Variants in CPA6 observed in about 807,000 individuals in gnomAD.
CPA6 encodes carboxypeptidase B.
A neutral mutation model predicts 63.3 loss-of-function variants in CPA6; 58 were observed. That is an observed-to-expected ratio of 0.92 (90% confidence interval 0.74 to 1.14). CPA6 has a LOEUF of 1.14. CPA6 is among the 50% of genes most tolerant of loss of function. The pLI, the probability that CPA6 is intolerant of heterozygous loss-of-function variation, is 0.00. For synonymous variants in CPA6, 185 were observed against 179.0 expected (o/e 1.03, Z -0.27); for missense variants, 565 against 526.6 (o/e 1.07, Z -0.71).
At chr8:67,729,563 A>C (rs973028369) in intron 1 of CPA6, among the ~76,000 whole-genome samples, 2 of 152,196 alleles carry the variant, frequency 1.3e-5, no homozygotes, top group Non-Finnish European at 2.9e-5. Context: ...AGAATAAACA[A>C]TTAAACAATT....
intron 2 of CPA6, among the ~76,000 whole-genome samples, chr8:67,563,228 G>A (rs557758873): frequency 6.6e-6 from 1 of 152,210 alleles, no homozygotes; most frequent in South Asian, 2.1e-4. Flanking sequence ...CTAAAACAGA[G>A]AGTAACTGTT....
intron 1 of CPA6, among the ~76,000 whole-genome samples, chr8:67,712,019 C>G (rs1817274443): frequency 6.6e-6 from 1 of 152,134 alleles, no homozygotes; most frequent in Non-Finnish European, 1.5e-5. Flanking sequence ...CTGCCCCCTC[C>G]CGCTATCTCC....
chr8:67,482,267 A>G (rs949342269), intron 8 of CPA6, among the ~76,000 whole-genome samples: 1 of 152,220 alleles, frequency 6.6e-6, no homozygotes, highest in African/African-American at 2.4e-5. Context: ...AGGCATGTAT[A>G]TGACATATAT....
At chr8:67,522,185 C>G (rs1418026081) in intron 2 of CPA6, among the ~76,000 whole-genome samples, 1 of 152,024 alleles carries the variant, frequency 6.6e-6, no homozygotes, top group Non-Finnish European at 1.5e-5. Flanking sequence ...TCAGGCCCGC[C>G]CATGGACCAA....
At chr8:67,665,833 G>A (rs770038867) in intron 1 of CPA6, among the ~76,000 whole-genome samples, 4 of 152,176 alleles carry the variant, frequency 2.6e-5, no homozygotes, top group Non-Finnish European at 4.4e-5. Context: ...CTCTCTAGTC[G>A]GTAGTTTCCT....
chr8:67,675,349 C>A (rs1587692283), intron 1 of CPA6, among the ~76,000 whole-genome samples: 1 of 152,152 alleles, frequency 6.6e-6, no homozygotes, highest in East Asian at 1.9e-4. Flanking sequence ...CGAGGGGCTG[C>A]CTGCCTGTAA....
At position 67,496,131 on chromosome 8, in the gene CPA6, G is replaced by C. The variant is rs144516599; in HGVS notation, c.636+10656C>G. On this transcript the variant is annotated intron_variant, in intron 6 of 10. Coordinates refer to ENST00000297770, the MANE Select transcript of CPA6 (RefSeq NM_020361.5). ...CTTCCCCAAACCTTGTCTTTTTAAAGTCTTAATGGATTTTTCTAATTCCTT... is the reference window on the plus strand; with the variant it reads ...CTTCCCCAAACCTTGTCTTTTTAAACTCTTAATGGATTTTTCTAATTCCTT... Among the ~76,000 whole-genome samples, 693 of 152,160 alleles carry C rather than the reference G, an allele frequency of 4.6e-3. 5 individuals carry two copies. The highest frequency in any genetic ancestry group is 0.026 in the South Asian group (124 of 4,822).
chr8:67,724,277 G>A (rs1817556408), intron 1 of CPA6, among the ~76,000 whole-genome samples: 1 of 152,102 alleles, frequency 6.6e-6, no homozygotes, highest in Non-Finnish European at 1.5e-5. Context: ...GGGCCTCTTG[G>A]CACCAGGGTC....
intron 2 of CPA6, among the ~76,000 whole-genome samples, chr8:67,558,860 G>C (rs1179731435): frequency 1.3e-5 from 2 of 152,144 alleles, no homozygotes; most frequent in African/African-American, 4.8e-5. Flanking sequence ...AATAAGCCCT[G>C]AGTACTAGCT....
Position 67,621,187 on chromosome 8 carries a change from G to C in CPA6, c.192+2989C>G, listed in dbSNP as rs377378554. 4.7e-4 allele frequency among the ~76,000 whole-genome samples: 72 copies of C among 152,274 alleles called. 1 individual carries two copies. The South Asian group carries it at 0.014, about 29-fold the overall frequency. Reference sequence around the variant, plus strand: ...GTGACTCTATTGGGAGAGGCCTCTTGGAAGCTTGTGCCTCATTTCCCCTGG... The same window carrying C: ...GTGACTCTATTGGGAGAGGCCTCTTCGAAGCTTGTGCCTCATTTCCCCTGG... On this transcript the variant is annotated intron_variant, in intron 2 of 10. Coordinates refer to ENST00000297770, the MANE Select transcript of CPA6 (RefSeq NM_020361.5).
intron 2 of CPA6, among the ~76,000 whole-genome samples, chr8:67,608,416 G>A (rs1304094839): frequency 6.6e-6 from 1 of 152,120 alleles, no homozygotes; most frequent in African/African-American, 2.4e-5. Flanking sequence ...GGTCATAGAG[G>A]AGATTGGCCA....
At chr8:67,729,827 A>G (rs1817672941) in intron 1 of CPA6, among the ~76,000 whole-genome samples, 1 of 152,222 alleles carries the variant, frequency 6.6e-6, no homozygotes, top group Non-Finnish European at 1.5e-5. Flanking sequence ...TGCCCAAGCA[A>G]AACAGCTGTG....
intron 1 of CPA6, among the ~76,000 whole-genome samples, chr8:67,697,710 C>T (rs938663352): frequency 6.6e-6 from 1 of 152,012 alleles, no homozygotes; most frequent in Admixed American, 6.6e-5. Flanking sequence ...CAGGTACTCT[C>T]GCAAGCATTA....
chr8:67,558,378 G>A (rs1210394091), intron 2 of CPA6, among the ~76,000 whole-genome samples: 1 of 152,002 alleles, frequency 6.6e-6, no homozygotes, highest in Non-Finnish European at 1.5e-5. Flanking sequence ...TTTCTTCTCT[G>A]TGAGGAGAAT....
chr8:67,665,948 G>T (rs1758023274), intron 1 of CPA6, among the ~76,000 whole-genome samples: 1 of 152,222 alleles, frequency 6.6e-6, no homozygotes, highest in African/African-American at 2.4e-5. Context: ...TCAATAGGTA[G>T]TTAACAAAAT....
chr8:67,482,877 A>C lies in CPA6; in HGVS notation c.838+891T>G, dbSNP rs1811388545. Among the ~76,000 whole-genome samples the C allele has an allele frequency of 2.0e-5, 3 of 152,190 alleles. No individual in the cohort carries two copies. The South Asian group carries it at 6.2e-4, about 31-fold the overall frequency. ...TTATTTGCCAATTCTAATTGACTGA[A>C]GCCTCTTGCTTGGAGGGATGTGTGG... On this transcript the variant is annotated intron_variant, in intron 8 of 10. Coordinates refer to ENST00000297770, the MANE Select transcript of CPA6 (RefSeq NM_020361.5).
intron 8 of CPA6, among the ~76,000 whole-genome samples, chr8:67,436,771 A>G (rs1810165896): frequency 6.6e-6 from 1 of 152,246 alleles, no homozygotes; most frequent in South Asian, 2.1e-4. Flanking sequence ...TATGGTTCTA[A>G]GAAAATGTGG....
Position 67,682,735 on chromosome 8 carries a change from G to A in CPA6, c.117-58484C>T, listed in dbSNP as rs553885345. Among the ~76,000 whole-genome samples, 56 of 152,206 alleles carry A rather than the reference G, an allele frequency of 3.7e-4. 2 individuals are homozygous for A. Among genetic ancestry groups the A allele is most frequent in the Non-Finnish European group, 5.6e-4 (38 of 68,006 alleles). On this transcript the variant is annotated intron_variant, in intron 1 of 10. Transcript: ENST00000297770. ...TTTATTAGAGCAGCCTGTTTTCTACGGCTGCTTTTGTTCCATAGAAGGTAG... is the reference window on the plus strand; with the variant it reads ...TTTATTAGAGCAGCCTGTTTTCTACAGCTGCTTTTGTTCCATAGAAGGTAG...
chr8:67,722,953 C>T (rs769551992), intron 1 of CPA6, among the ~76,000 whole-genome samples: 45 of 151,824 alleles, frequency 3.0e-4, no homozygotes, highest in Non-Finnish European at 6.0e-4. Flanking sequence ...ATTTCCTCCC[C>T]ACCAAAAGAA....
Sources: gnomAD v4.1 joint callset for allele counts (sites outside exome capture counted in the v4.1 genomes callset) on GRCh38, gnomAD v4.1.1 for gene constraint, MANE v1.5 for transcripts, NCBI Gene and HGNC (gene_info 2026-07-23, HGNC 2026-07-21) for gene names.